ZNF503: variants seen among roughly 807,000 people sequenced by gnomAD.
The protein encoded by ZNF503 is NocA-like zinc finger 2.
ZNF503 carries 15 observed loss-of-function variants against 34.4 expected under a neutral mutation model. The ratio of observed to expected loss-of-function variants is 0.44; its 90% confidence interval spans 0.29 to 0.67. The LOEUF is 0.67. Among genes scored for constraint, ZNF503 ranks in the 30% least tolerant of loss-of-function variants. The pLI, the probability that ZNF503 is intolerant of heterozygous loss-of-function variation, is 0.13. For synonymous variants in ZNF503, 580 were observed against 456.8 expected, an observed-to-expected ratio of 1.27 and a Z score of -3.44; for missense variants, 1,007 against 926.8, an observed-to-expected ratio of 1.09 and a Z score of -1.12.
At chr10:75,382,436 A>C in the ZNF503 span, 1 of 470,552 alleles carries the variant, frequency 2.1e-6, no homozygotes, top group Non-Finnish European at 4.0e-6. Context: ...ATCTGTTTCC[A>C]TTCTCTTTAC....
At chr10:75,342,394 G>A in the ZNF503 span, among the ~76,000 whole-genome samples, 2 of 152,084 alleles carry the variant, frequency 1.3e-5, no homozygotes, top group African/African-American at 4.8e-5. Context: ...ACCCCGTATG[G>A]GAGCGAGAGA....
At position 75,398,633 on chromosome 10, in the gene ZNF503, T is replaced by C. The variant is rs1357502448; in HGVS notation, c.*116A>G. ...TACGGTATACATTTCTTTCCTTTCG[T>C]GGCCCGAGTCCTCCCCACGCGCGGG... On this transcript the variant is annotated 3_prime_UTR_variant, in exon 2 of 2. Coordinates refer to ENST00000372524, the MANE Select transcript of ZNF503 (RefSeq NM_032772.6). 2 of 969,336 alleles carry C rather than the reference T, an allele frequency of 2.1e-6. No individual in the cohort carries two copies. Among genetic ancestry groups the C allele is most frequent in the African/African-American group, 3.4e-5 (2 of 58,724 alleles). The allele number at this position is 969,336 out of a possible 1,614,324, so 60.0% of individuals were successfully genotyped here. A position where few individuals can be genotyped will look rare whatever the true frequency, so the allele number is the denominator to read the frequency against.
chr10:75,384,657 C>T, the ZNF503 span, among the ~76,000 whole-genome samples: 1 of 152,276 alleles, frequency 6.6e-6, no homozygotes, highest in South Asian at 2.1e-4. Flanking sequence ...CGGCCCAGCA[C>T]CCAAATGATG....
At chr10:75,334,249 C>T in the ZNF503 span, among the ~76,000 whole-genome samples, 17 of 152,230 alleles carry the variant, frequency 1.1e-4, no homozygotes, top group African/African-American at 2.9e-4. Flanking sequence ...GCCTCCCGGG[C>T]GGCCTAAATT....
chr10:75,333,484 C>T, the ZNF503 span, among the ~76,000 whole-genome samples: 22 of 58,066 alleles, frequency 3.8e-4, no homozygotes, highest in African/African-American at 1.8e-3. Flanking sequence ...CCCTCCCGGA[C>T]GGGGTGGCTG....
chr10:75,371,897 T>C, the ZNF503 span, among the ~76,000 whole-genome samples: 1 of 152,214 alleles, frequency 6.6e-6, no homozygotes, highest in Non-Finnish European at 1.5e-5. Flanking sequence ...CCTGCCTCAT[T>C]CAGTCTATCT....
chr10:75,381,317 A>G, the ZNF503 span, among the ~76,000 whole-genome samples: 1 of 152,320 alleles, frequency 6.6e-6, no homozygotes, highest in South Asian at 2.1e-4. Context: ...TCAACCTCCC[A>G]GGATTAAGCA....
At chr10:75,376,734 G>A in the ZNF503 span, among the ~76,000 whole-genome samples, 2 of 152,148 alleles carry the variant, frequency 1.3e-5, no homozygotes, top group Admixed American at 6.5e-5. Flanking sequence ...GGCTGGGGAG[G>A]CCTCAGGAAT....
chr10:75,316,890 C>T, the ZNF503 span, among the ~76,000 whole-genome samples: 1 of 152,090 alleles, frequency 6.6e-6, no homozygotes, highest in African/African-American at 2.4e-5. Context: ...CATGCCAAAA[C>T]TTATGAGATG....
chr10:75,350,696 C>T, the ZNF503 span, among the ~76,000 whole-genome samples: 8 of 152,006 alleles, frequency 5.3e-5, no homozygotes, highest in Non-Finnish European at 8.8e-5. Flanking sequence ...TGTAAGCCCA[C>T]ACCACCAGGA....
Position 75,401,360 on chromosome 10 carries a change from G to C in ZNF503, c.60C>G (p.Gly20=). The part of the protein sequence containing the change: ...LRSSKHSGGG[G]GGGGGGGADP... ...CTGCACCGCCGCCTCCGCCTCCGCC[G>C]CCGCCGCCGCCGCTGTGCTTACTGC... The change falls in exon 1 of 2, where the codon GGC becomes GGG. Residue 20 remains glycine, a synonymous_variant. Transcript: ENST00000372524. The C allele has an allele frequency of 6.8e-7, 1 of 1,462,080 alleles. No homozygotes were observed. 90.6% of individuals were successfully genotyped at this position (1,462,080 alleles called of 1,614,324 possible). A position where few individuals can be genotyped will look rare whatever the true frequency, so the allele number is the denominator to read the frequency against.
the ZNF503 span, among the ~76,000 whole-genome samples, chr10:75,294,135 G>C: frequency 6.6e-6 from 1 of 152,224 alleles, no homozygotes; most frequent in Non-Finnish European, 1.5e-5. Flanking sequence ...TCTCCTTTGG[G>C]AAGTGGGTGA....
chr10:75,314,342 A>C, the ZNF503 span, among the ~76,000 whole-genome samples: 1 of 152,084 alleles, frequency 6.6e-6, no homozygotes, highest in East Asian at 1.9e-4. Flanking sequence ...AGTTCAATAA[A>C]GAAATAGAAA....
the ZNF503 span, among the ~76,000 whole-genome samples, chr10:75,326,265 G>T: frequency 6.6e-6 from 1 of 152,024 alleles, no homozygotes; most frequent in East Asian, 1.9e-4. Context: ...TTTCTATATA[G>T]GCAACATATC....
At chr10:75,293,500 G>A in the ZNF503 span, among the ~76,000 whole-genome samples, 6 of 152,262 alleles carry the variant, frequency 3.9e-5, no homozygotes, top group East Asian at 9.7e-4. Context: ...ATATGCAAAT[G>A]GATTTGAAGA....
chr10:75,333,928 T>C, the ZNF503 span, among the ~76,000 whole-genome samples: 1 of 47,136 alleles, frequency 2.1e-5, no homozygotes, highest in Admixed American at 1.6e-4. Flanking sequence ...GCTCCCCACA[T>C]CTCAGACGAT....
chr10:75,340,601 T>G, the ZNF503 span, among the ~76,000 whole-genome samples: 2 of 152,134 alleles, frequency 1.3e-5, no homozygotes, highest in Non-Finnish European at 2.9e-5. Context: ...GCTGTCTCTT[T>G]TTTTTTTGTT....
chr10:75,280,944 G>A, the ZNF503 span, among the ~76,000 whole-genome samples: 1 of 152,158 alleles, frequency 6.6e-6, no homozygotes, highest in Non-Finnish European at 1.5e-5. Context: ...TGGTGGGCGA[G>A]AGCGGCTGCT....
At chr10:75,348,285 C>T in the ZNF503 span, among the ~76,000 whole-genome samples, 22 of 150,366 alleles carry the variant, frequency 1.5e-4, no homozygotes, top group South Asian at 4.2e-4. Context: ...TGGTCTTGAA[C>T]GCCTGACCTC....
Sources: allele counts gnomAD v4.1 joint callset (sites outside exome capture counted in the v4.1 genomes callset), GRCh38; gene constraint gnomAD v4.1.1; transcripts MANE v1.5; gene names NCBI Gene and HGNC (gene_info 2026-07-23, HGNC 2026-07-21).